DCAF15: variants seen among roughly 807,000 people sequenced by gnomAD.
DCAF15 encodes the protein DDB1- and CUL4-associated factor 15.
DCAF15 carries 24 observed loss-of-function variants against 68.0 expected under a neutral mutation model. The observed-to-expected ratio is 0.35, with a 90% CI of 0.26 to 0.50. The LOEUF (loss-of-function observed/expected upper bound fraction) is 0.50, where lower values mean the gene tolerates loss of function less well. Ranked by LOEUF, DCAF15 falls within the 20% of genes least tolerant of loss-of-function variation. The pLI, the probability that DCAF15 is intolerant of heterozygous loss-of-function variation, is 0.98. For synonymous variants in DCAF15, 376 were observed against 341.6 expected (o/e 1.10, Z -1.11); for missense variants, 627 against 830.6 (o/e 0.75, Z 3.01).
Position 13,954,679 on chromosome 19 carries a change from C to G in DCAF15, c.366+18C>G. The G allele has an allele frequency of 6.2e-7, 1 of 1,613,356 alleles. No homozygotes were observed. Among genetic ancestry groups the G allele is most frequent in the Non-Finnish European group, 8.5e-7 (1 of 1,179,404 alleles). On this transcript the variant is annotated intron_variant, in intron 3 of 12. Transcript: ENST00000254337. ...TCAAGCTGGTAGGGAGGCTTCAACA[C>G]CAGGCTGGCCCTTCAGATGGTGTGG...
rs115212274 is a variant in DCAF15, at chr19:13,953,549, A to G, written c.133-791A>G. ...CCTGTCGGCCTGGGCCTGGCTGGCC[A>G]GGCTGTTTCCTCCGTCAGACTGAGA... On this transcript the variant is annotated intron_variant, in intron 1 of 12. Coordinates refer to ENST00000254337, the MANE Select transcript of DCAF15 (RefSeq NM_138353.4). 9.1e-3 allele frequency among the ~76,000 whole-genome samples: 1,391 copies of G among 152,280 alleles called. 22 individuals are homozygous for G. Among genetic ancestry groups the G allele is most frequent in the African/African-American group, 0.031 (1,300 of 41,552 alleles).
intron 6 of DCAF15, among the ~76,000 whole-genome samples, chr19:13,957,307 G>T (rs1467535630): frequency 6.6e-6 from 1 of 152,206 alleles, no homozygotes; most frequent in Admixed American, 6.5e-5. Flanking sequence ...GAGGGAGGGG[G>T]CCCCGGGGGC....
chr19:13,959,522 G>T, intron 7 of DCAF15, 43 bp downstream of exon 7: 1 of 1,611,040 alleles, frequency 6.2e-7, no homozygotes, highest in Non-Finnish European at 8.5e-7. Flanking sequence ...GGATGGAGAG[G>T]CCAGCCCAGA....
Position 13,959,244 on chromosome 19 carries a change from C to T in DCAF15, c.984C>T (p.Phe328=). Reference sequence around the variant, plus strand: ...CCAAGGAGTTTGTGGCTGACATCTTCCGCCGGGCCAAAGAGGCCAAGGGCG... The same window carrying T: ...CCAAGGAGTTTGTGGCTGACATCTTTCGCCGGGCCAAAGAGGCCAAGGGCG... ...AKAKEFVADI[F]RRAKEAKGGV... is the part of the protein sequence containing the mutation. Residue 328 remains phenylalanine, a synonymous_variant, in exon 7 of 13, where the codon TTC becomes TTT. Transcript: ENST00000254337. 3.1e-6 allele frequency: 5 copies of T among 1,612,722 alleles called. No homozygotes were observed. Among genetic ancestry groups the T allele is most frequent in the Non-Finnish European group, 4.2e-6 (5 of 1,179,916 alleles).
intron 3 of DCAF15, 106 bp from the exon 4 acceptor site, chr19:13,955,806 G>T (rs2145491585): frequency 1.8e-6 from 2 of 1,087,772 alleles, no homozygotes; most frequent in Admixed American, 2.0e-5. Context: ...CTGTTGGGGT[G>T]CTCCTACCCG....
chr19:13,960,600 T>TG lies in DCAF15; in HGVS notation c.1747+21dup. On this transcript the variant is annotated intron_variant, in intron 12 of 12. Transcript: ENST00000254337. ...ACAAAGGTGGGGCTCGGTGACCCCG[T>TG]GATGGTCAGGGTCACCAGGAACACT... 6.5e-7 allele frequency: 1 copy of TG among 1,548,986 alleles called. No homozygotes were observed. Among genetic ancestry groups the TG allele is most frequent in the East Asian group, 2.4e-5 (1 of 42,464 alleles).
chr19:13,959,382 C>CCCTGCCTCGGAGGCA lies in DCAF15; in HGVS notation c.1131_1145dup (p.Ala379_Glu383dup), dbSNP rs778644383. 7.5e-6 allele frequency: 12 copies of CCCTGCCTCGGAGGCA among 1,606,024 alleles called. No homozygotes were observed. Among genetic ancestry groups the CCCTGCCTCGGAGGCA allele is most frequent in the African/African-American group, 6.7e-5 (5 of 75,058 alleles). On this transcript the variant is annotated inframe_insertion, in exon 7 of 13. Transcript: ENST00000254337. Reference sequence around the variant, plus strand: ...GAGAGACGGCACCCCGGGACAGCCCCCCTGCCTCGGAGGCACCTGCCTCCG... The same window carrying CCCTGCCTCGGAGGCA: ...GAGAGACGGCACCCCGGGACAGCCCCCCTGCCTCGGAGGCACCTGCCTCGGAGGCACCTGCCTCCG...
At position 13,961,268 on chromosome 19, in the gene DCAF15, G is replaced by GCCTGGC. The variant is rs1458163309; in HGVS notation, c.*276_*281dup. The GCCTGGC allele has an allele frequency of 9.1e-6, 5 of 548,344 alleles. No individual in the cohort carries two copies. Among genetic ancestry groups the GCCTGGC allele is most frequent in the Non-Finnish European group, 1.6e-5 (5 of 304,254 alleles). The allele number at this position is 548,344 out of a possible 1,614,324, so 34.0% of individuals were successfully genotyped here. A position where few individuals can be genotyped will look rare whatever the true frequency, so the allele number is the denominator to read the frequency against. On this transcript the variant is annotated 3_prime_UTR_variant, in exon 13 of 13. Coordinates refer to ENST00000254337, the MANE Select transcript of DCAF15 (RefSeq NM_138353.4). ...CGCCTTCACCCCGAGCTGGGCATGG[G>GCCTGGC]CCTGGCCCCTCGTGCATTTGCCCTT...
rs765869695 is a variant in DCAF15 at position 13,960,460 on chromosome 19, C to T, written c.1632-5C>T. On this transcript the variant is annotated splice_polypyrimidine_tract_variant and splice_region_variant and intron_variant, in intron 11 of 12. Coordinates refer to ENST00000254337, the MANE Select transcript of DCAF15 (RefSeq NM_138353.4). ...ACGAGAGCCACTCACCCCCTGGCCCCGCAGCGGCAGTGTCTGGAGCTCCTA... is the reference window on the plus strand; with the variant it reads ...ACGAGAGCCACTCACCCCCTGGCCCTGCAGCGGCAGTGTCTGGAGCTCCTA... The T allele has an allele frequency of 5.0e-5, 80 of 1,611,372 alleles. No homozygotes were observed. The highest frequency in any genetic ancestry group is 1.7e-4 in the Middle Eastern group (1 of 5,898).
chr19:13,956,077 G>C (rs374346496), intron 4 of DCAF15, 46 bp from the exon 5 acceptor site: 7 of 1,609,930 alleles, frequency 4.3e-6, no homozygotes, highest in African/African-American at 1.3e-5. Flanking sequence ...TGCAGTGGGG[G>C]CCCCCCAGGC....
chr19:13,960,903 C>G (rs749586845), intron 12 of DCAF15, 37 bp from the exon 13 acceptor site: 2 of 1,613,536 alleles, frequency 1.2e-6, no homozygotes, highest in Admixed American at 1.7e-5. Flanking sequence ...GCCAGGCAGG[C>G]AGGGGCTCTA....
chr19:13,957,147 C>G (rs538219990), intron 6 of DCAF15, among the ~76,000 whole-genome samples: 3 of 152,206 alleles, frequency 2.0e-5, no homozygotes, highest in Admixed American at 1.3e-4. Flanking sequence ...AGAAGAGAAA[C>G]GCTAATGTGA....
chr19:13,959,439 C>T lies in DCAF15; in HGVS notation c.1179C>T (p.Tyr393=). The part of the protein sequence containing the change: ...EPGYVNYTKL[Y]YVLESGEGTE... ...GCTATGTCAACTACACCAAGCTGTA[C>T]TATGTGCTGGAGTCCGGAGAGGGGA... The change falls in exon 7 of 13, where the codon TAC becomes TAT. Residue 393 remains tyrosine, a synonymous_variant. Transcript: ENST00000254337. The T allele has an allele frequency of 1.2e-6, 2 of 1,610,460 alleles. No individual in the cohort carries two copies. The highest frequency in any genetic ancestry group is 1.7e-6 in the Non-Finnish European group (2 of 1,179,730).
rs372464506 is a variant in DCAF15, at chr19:13,954,518, C to T, written c.231-8C>T. On this transcript the variant is annotated splice_polypyrimidine_tract_variant and splice_region_variant and intron_variant, in intron 2 of 12. Transcript: ENST00000254337. ...GACCTGGCCGCTGTGCCCCCTCCAC[C>T]CCCACAGACATATCTTCCTGGGCTT... The T allele has an allele frequency of 2.0e-5, 33 of 1,614,044 alleles. No homozygotes were observed. In the African/African-American group the frequency reaches 3.5e-4, roughly 17 times the overall value.
rs777838585 is a variant in DCAF15, at chr19:13,959,921, C to A, written c.1440+26C>A. The A allele has an allele frequency of 9.9e-6, 16 of 1,613,466 alleles. No homozygotes were observed. The Admixed American group carries it at 2.7e-4, about 27-fold the overall frequency. ...GTGGGCCCAGGGCGGGCAGGGTGGG[C>A]CCAGGGCCTCCTGTACTCTGGGGTC... is the stretch of plus-strand genomic sequence containing the variant. On this transcript the variant is annotated intron_variant, in intron 9 of 12. Transcript: ENST00000254337.
intron 12 of DCAF15, 87 bp downstream of exon 12, chr19:13,960,667 G>T: frequency 7.5e-7 from 1 of 1,333,490 alleles, no homozygotes; most frequent in Non-Finnish European, 1.0e-6. Flanking sequence ...TGATGAAATG[G>T]GTGGGAAGGC....
chr19:13,954,903 C>A (rs1333989571), intron 3 of DCAF15, among the ~76,000 whole-genome samples: 1 of 151,988 alleles, frequency 6.6e-6, no homozygotes, highest in Non-Finnish European at 1.5e-5. Flanking sequence ...CCGAGTAGTT[C>A]AAGACCAGGC....
intron 1 of DCAF15, chr19:13,953,238 G>T: frequency 8.6e-7 from 1 of 1,156,218 alleles, no homozygotes; most frequent in Non-Finnish European, 1.2e-6. Flanking sequence ...AACTCCCAGA[G>T]CTGGGGGATG....
rs1478143917 is a variant in DCAF15 at position 13,954,394 on chromosome 19, G to A, written c.187G>A (p.Val63Met). 3 of 1,613,912 alleles carry A rather than the reference G, an allele frequency of 1.9e-6. No individual in the cohort carries two copies. The highest frequency in any genetic ancestry group is 2.5e-6 in the Non-Finnish European group (3 of 1,179,998). Residue 63 changes from valine (V) to methionine (M), a missense_variant, in exon 2 of 13, where the codon GTG becomes ATG. Transcript: ENST00000254337. Reference sequence around the variant, plus strand: ...CCGGAAGCTGCCTCCCCGGGTGTGCGTGTCCCTCAAGAACATTGTGGATGA... The same window carrying A: ...CCGGAAGCTGCCTCCCCGGGTGTGCATGTCCCTCAAGAACATTGTGGATGA... ...LFRKLPPRVCVSLKNIVDEDF... is the reference protein window; with the variant it reads ...LFRKLPPRVCMSLKNIVDEDF...
Sources: allele counts gnomAD v4.1 joint callset (sites outside exome capture counted in the v4.1 genomes callset), GRCh38; gene constraint gnomAD v4.1.1; transcripts MANE v1.5; gene names NCBI Gene and HGNC (gene_info 2026-07-23, HGNC 2026-07-21).